Variants in HOMER2 observed in about 807,000 individuals in gnomAD.
HOMER2 encodes homer protein homolog 2.
A neutral mutation model predicts 47.0 loss-of-function variants in HOMER2; 27 were observed. That is an observed-to-expected ratio of 0.57 (90% CI 0.42 to 0.79). The LOEUF (loss-of-function observed/expected upper bound fraction) is 0.79, where lower values mean the gene tolerates loss of function less well. Ranked by LOEUF, HOMER2 falls within the 30% of genes least tolerant of loss-of-function variation. HOMER2 has a pLI of 0.00. For synonymous variants in HOMER2, 161 were observed against 163.8 expected, an observed-to-expected ratio of 0.98 and a Z score of 0.13; for missense variants, 443 against 435.0, an observed-to-expected ratio of 1.02 and a Z score of -0.16.
intron 1 of HOMER2, among the ~76,000 whole-genome samples, chr15:82,912,197 G>A (rs770662750): frequency 2.6e-4 from 39 of 151,944 alleles, no homozygotes; most frequent in Non-Finnish European, 5.0e-4. Flanking sequence ...TTAATTTCAG[G>A]GCATTTTCAG....
intron 3 of HOMER2, among the ~76,000 whole-genome samples, chr15:82,869,430 T>C (rs934887752): frequency 2.0e-5 from 3 of 151,344 alleles, no homozygotes; most frequent in Non-Finnish European, 4.4e-5. Context: ...CATGCAATTA[T>C]ATGATTTTCT....
chr15:82,864,736 G>A (rs1204756508), intron 3 of HOMER2, among the ~76,000 whole-genome samples: 1 of 152,172 alleles, frequency 6.6e-6, no homozygotes, highest in Admixed American at 6.5e-5. Flanking sequence ...TAGGTAATGT[G>A]TATATGGGTG....
chr15:82,851,006 G>C, intron 8 of HOMER2, 145 bp downstream of exon 8: 1 of 650,046 alleles, frequency 1.5e-6, no homozygotes, highest in South Asian at 1.9e-5. Flanking sequence ...GCCATCTGGC[G>C]TGCAGTCACT....
chr15:82,974,368 C>A (rs1328989893), intron 1 of HOMER2, among the ~76,000 whole-genome samples: 1 of 151,214 alleles, frequency 6.6e-6, no homozygotes, highest in African/African-American at 2.4e-5. Flanking sequence ...CGCGCCATTG[C>A]ACTCCCGCCT....
chr15:82,940,073 C>G (rs188749201), intron 1 of HOMER2, among the ~76,000 whole-genome samples: 2 of 151,716 alleles, frequency 1.3e-5, no homozygotes, highest in Non-Finnish European at 2.9e-5. Flanking sequence ...GTCGTGGGGT[C>G]GGGGGAGTGG....
chr15:82,962,991 C>A (rs1264542195), intron 1 of HOMER2, among the ~76,000 whole-genome samples: 1 of 152,098 alleles, frequency 6.6e-6, no homozygotes. Flanking sequence ...AAGAATGAGG[C>A]CTTGCCGGCT....
At chr15:82,867,008 A>G (rs1463680602) in intron 3 of HOMER2, among the ~76,000 whole-genome samples, 1 of 152,230 alleles carries the variant, frequency 6.6e-6, no homozygotes, top group African/African-American at 2.4e-5. Context: ...AATGGGCCTC[A>G]ACTTTTATAT....
At chr15:82,879,633 G>A (rs546339828) in intron 2 of HOMER2, among the ~76,000 whole-genome samples, 1 of 152,204 alleles carries the variant, frequency 6.6e-6, no homozygotes, top group Non-Finnish European at 1.5e-5. Flanking sequence ...TGAACCTTCA[G>A]CAAATTGTAA....
At chr15:82,893,666 C>T (rs2052802529) in intron 1 of HOMER2, among the ~76,000 whole-genome samples, 1 of 151,406 alleles carries the variant, frequency 6.6e-6, no homozygotes, top group African/African-American at 2.4e-5. Flanking sequence ...TCACTGCTGC[C>T]CAGGCTGGAG....
chr15:82,860,938 AAGAT>A (rs1567018841), intron 4 of HOMER2, among the ~76,000 whole-genome samples: 6 of 112,448 alleles, frequency 5.3e-5, no homozygotes, highest in African/African-American at 1.8e-4. Context: ...CTCTGTCTCA[AAGAT>A]AGAAGATAGA....
At chr15:82,868,541 A>ATATATTTTTTTT in intron 3 of HOMER2, among the ~76,000 whole-genome samples, 3 of 71,288 alleles carry the variant, frequency 4.2e-5, no homozygotes, top group Non-Finnish European at 8.5e-5. Flanking sequence ...ATATATATAT[A>ATATATTTTTTTT]TTTTTTTTTT....
chr15:82,852,007 G>A (rs1416999401), intron 7 of HOMER2, 135 bp downstream of exon 7: 2 of 628,298 alleles, frequency 3.2e-6, no homozygotes, highest in Non-Finnish European at 5.6e-6. Context: ...ACCTTGCTGT[G>A]GCTCCCAGCT....
chr15:82,912,282 TTC>T (rs2053474560), intron 1 of HOMER2, among the ~76,000 whole-genome samples: 2 of 152,174 alleles, frequency 1.3e-5, no homozygotes, highest in South Asian at 4.1e-4. Flanking sequence ...CTAACTTACT[TTC>T]TGTCTCTCTG....
At chr15:82,897,065 C>CTT (rs68038013) in intron 1 of HOMER2, among the ~76,000 whole-genome samples, 11 of 101,850 alleles carry the variant, frequency 1.1e-4, no homozygotes, top group Admixed American at 1.3e-4. Context: ...GATGTCATTT[C>CTT]TTTTTTTTTT....
downstream of HOMER2, among the ~76,000 whole-genome samples, chr15:82,848,345 G>A (rs903985826): frequency 1.3e-5 from 2 of 152,124 alleles, no homozygotes; most frequent in African/African-American, 2.4e-5. Context: ...AAGGGGTGAG[G>A]GGGCACCAAA....
intron 1 of HOMER2, among the ~76,000 whole-genome samples, chr15:82,914,815 G>T (rs2053541972): frequency 6.6e-6 from 1 of 152,182 alleles, no homozygotes; most frequent in Non-Finnish European, 1.5e-5. Flanking sequence ...TCCTTAGGAG[G>T]ACAAAGGGAG....
intron 3 of HOMER2, among the ~76,000 whole-genome samples, chr15:82,874,483 C>T (rs995667263): frequency 2.3e-4 from 35 of 152,174 alleles, no homozygotes; most frequent in Admixed American, 2.0e-3. Context: ...CTCTCAGAGG[C>T]GATCAGTTTA....
intron 1 of HOMER2, among the ~76,000 whole-genome samples, chr15:82,920,836 G>T (rs1007153510): frequency 5.9e-5 from 9 of 151,412 alleles, no homozygotes; most frequent in Admixed American, 2.0e-4. Flanking sequence ...CACTCTGGGG[G>T]TAAAACAATC....
chr15:82,933,553 C>G (rs550412404), intron 1 of HOMER2, among the ~76,000 whole-genome samples: 2 of 152,202 alleles, frequency 1.3e-5, no homozygotes, highest in African/African-American at 4.8e-5. Flanking sequence ...AGCCAAGAAC[C>G]CCACCTTCTC....
Sources: gnomAD v4.1 joint callset for allele counts (sites outside exome capture counted in the v4.1 genomes callset) on GRCh38, gnomAD v4.1.1 for gene constraint, MANE v1.5 for transcripts, NCBI Gene and HGNC (gene_info 2026-07-23, HGNC 2026-07-21) for gene names.